MYO16: variants seen among roughly 807,000 people sequenced by gnomAD.
MYO16 encodes the protein myosin XVI.
MYO16 carries 94 observed loss-of-function variants against 205.3 expected under a neutral mutation model. That is an observed-to-expected ratio of 0.46 (90% CI 0.39 to 0.54). The LOEUF is 0.54. MYO16 is among the 20% of genes least tolerant of loss of function. The pLI is 0.00. For missense variants in MYO16, 2,315 were observed against 2,387.5 expected (o/e 0.97, Z 0.63); for synonymous variants, 988 against 954.0 (o/e 1.04, Z -0.66).
the MYO16 span, among the ~76,000 whole-genome samples, chr13:108,569,518 T>C: frequency 6.6e-6 from 1 of 152,180 alleles, no homozygotes; most frequent in Non-Finnish European, 1.5e-5. Context: ...CAAACTTGCT[T>C]AATTATTAGT....
In MYO16 at chr13:108,957,245, G is replaced by A. The variant is rs1006705368; in HGVS notation, c.1926-443G>A. ...CTAAAAATACAAAAATTAGCCGGGC[G>A]TGGTGGCACGCACCTGTAATCCCAG... On this transcript the variant is annotated intron_variant, in intron 16 of 34. Coordinates refer to ENST00000457511, the MANE Select transcript of MYO16 (RefSeq NM_001198950.3). Among the ~76,000 whole-genome samples, 8 of 152,026 alleles carry A rather than the reference G, an allele frequency of 5.3e-5. 1 individual carries two copies. Among genetic ancestry groups the A allele is most frequent in the South Asian group, 2.1e-4 (1 of 4,816 alleles).
chr13:108,536,865 C>T, the MYO16 span, among the ~76,000 whole-genome samples: 17 of 152,098 alleles, frequency 1.1e-4, no homozygotes, highest in Middle Eastern at 3.4e-3. Flanking sequence ...ACTAAGGAGA[C>T]GGAACAGGAT....
intron 34 of MYO16, among the ~76,000 whole-genome samples, chr13:109,190,680 T>C (rs1255438518): frequency 1.3e-5 from 2 of 152,166 alleles, no homozygotes; most frequent in Admixed American, 6.5e-5. Context: ...GTTTCACTGG[T>C]TGGAGGAAAT....
At chr13:108,516,230 C>A in the MYO16 span, among the ~76,000 whole-genome samples, 1 of 151,778 alleles carries the variant, frequency 6.6e-6, no homozygotes, top group African/African-American at 2.4e-5. Context: ...GTGGGAGTGA[C>A]CCGATTTTCC....
intron 27 of MYO16, chr13:109,065,643 G>T: frequency 2.3e-6 from 1 of 439,310 alleles, no homozygotes; most frequent in South Asian, 1.8e-5. Context: ...CTGTATGCTT[G>T]TGGAATTCTC....
At chr13:108,623,122 C>T (rs1042431610) in intron 1 of MYO16, among the ~76,000 whole-genome samples, 3 of 152,108 alleles carry the variant, frequency 2.0e-5, no homozygotes, top group Admixed American at 6.5e-5. Flanking sequence ...GTCCAGCTTC[C>T]AAGGTATGCT....
Position 109,150,195 on chromosome 13 carries a change from G to C in MYO16, c.5164+8819G>C, listed in dbSNP as rs1047354116. 2.0e-5 allele frequency among the ~76,000 whole-genome samples: 3 copies of C among 152,106 alleles called. 1 individual carries two copies. In the South Asian group the frequency reaches 6.2e-4, roughly 32 times the overall value. On this transcript the variant is annotated intron_variant, in intron 32 of 34. Transcript: ENST00000457511. ...GACAGACAATCAAAAAGTCTTCATC[G>C]TTTGTCTCTACAGCAACTTTCTTTA...
chr13:108,952,111 CAATAAATAAATAAATAAATAAATAAATA>C (rs142142365), intron 16 of MYO16, among the ~76,000 whole-genome samples: 7 of 138,568 alleles, frequency 5.1e-5, no homozygotes, highest in Non-Finnish European at 1.6e-5. Context: ...GACTCCATCT[CAATAAATAAATAAATAAATAAATAAATA>C]AATAAATAAA....
At chr13:109,179,145 C>T (rs1879345779) in intron 33 of MYO16, among the ~76,000 whole-genome samples, 1 of 152,206 alleles carries the variant, frequency 6.6e-6, no homozygotes, top group South Asian at 2.1e-4. Context: ...TCCCTGCAAT[C>T]CTATGAATGG....
At chr13:108,936,621 T>C (rs1882502650) in intron 16 of MYO16, among the ~76,000 whole-genome samples, 1 of 152,160 alleles carries the variant, frequency 6.6e-6, no homozygotes, top group East Asian at 1.9e-4. Flanking sequence ...TTTTATCTAA[T>C]ATAAGAATAG....
chr13:108,672,424 T>A (rs1882029465), intron 2 of MYO16, among the ~76,000 whole-genome samples: 1 of 152,194 alleles, frequency 6.6e-6, no homozygotes, highest in African/African-American at 2.4e-5. Context: ...TTTTATTGGC[T>A]GGCTGAGTAT....
chr13:108,876,841 T>C (rs903376769), intron 12 of MYO16, among the ~76,000 whole-genome samples: 4 of 152,066 alleles, frequency 2.6e-5, no homozygotes, highest in African/African-American at 9.7e-5. Context: ...TAATTTTTTA[T>C]AGTTTTAGTA....
intron 32 of MYO16, among the ~76,000 whole-genome samples, chr13:109,164,503 T>C (rs1878546420): frequency 6.6e-6 from 1 of 152,234 alleles, no homozygotes; most frequent in South Asian, 2.1e-4. Context: ...GTGTTTCTTA[T>C]CACTCAAGTG....
chr13:109,007,420 C>T, intron 21 of MYO16, among the ~76,000 whole-genome samples: 1 of 151,480 alleles, frequency 6.6e-6, no homozygotes, highest in East Asian at 1.9e-4. Context: ...GAAATGTGCA[C>T]ATTGCTGATG....
intron 4 of MYO16, among the ~76,000 whole-genome samples, chr13:108,740,900 A>C (rs1219107602): frequency 6.6e-6 from 1 of 152,050 alleles, no homozygotes; most frequent in African/African-American, 2.4e-5. Flanking sequence ...GCTAGCAATG[A>C]GTGAGGCTCT....
intron 27 of MYO16, among the ~76,000 whole-genome samples, chr13:109,058,781 T>C (rs376140682): frequency 9.9e-5 from 15 of 152,246 alleles, no homozygotes; most frequent in African/African-American, 3.6e-4. Context: ...GAAAAATGTC[T>C]CTGTAGCATG....
chr13:108,653,652 T>C (rs926078058), intron 1 of MYO16, among the ~76,000 whole-genome samples: 5 of 152,038 alleles, frequency 3.3e-5, no homozygotes, highest in Admixed American at 6.5e-5. Context: ...TGGTATCATT[T>C]AGTATGTTCA....
intron 25 of MYO16, chr13:109,054,387 T>C (rs1887347695): frequency 3.2e-6 from 1 of 307,814 alleles, no homozygotes; most frequent in Non-Finnish European, 6.6e-6. Context: ...TAAGAAAGCA[T>C]CAGACCATTC....
chr13:109,135,673 G>A (rs1258453165), intron 31 of MYO16, among the ~76,000 whole-genome samples: 1 of 152,182 alleles, frequency 6.6e-6, no homozygotes, highest in Non-Finnish European at 1.5e-5. Flanking sequence ...AATTTTGAGA[G>A]ACCAAAGTTT....
Sources: gnomAD v4.1 joint callset for allele counts (sites outside exome capture counted in the v4.1 genomes callset) on GRCh38, gnomAD v4.1.1 for gene constraint, MANE v1.5 for transcripts, NCBI Gene and HGNC (gene_info 2026-07-23, HGNC 2026-07-21) for gene names.